Variants in WWC2 observed in about 807,000 individuals in gnomAD.
WWC2 encodes protein WWC2.
WWC2 carries 101 observed loss-of-function variants against 138.5 expected under a neutral mutation model. The ratio of observed to expected loss-of-function variants is 0.73; its 90% CI spans 0.62 to 0.86. The LOEUF (loss-of-function observed/expected upper bound fraction) is 0.86, where lower values mean the gene tolerates loss of function less well. Among genes scored for constraint, WWC2 ranks in the 40% least tolerant of loss-of-function variants. The pLI is 0.00. For missense variants in WWC2, 1,420 were observed against 1,419.4 expected, an observed-to-expected ratio of 1.00 and a Z score of -0.01; for synonymous variants, 558 against 538.4, an observed-to-expected ratio of 1.04 and a Z score of -0.50.
At chr4:183,164,273 TATATATATATATATATATATATATATAC>T (rs200975595) in intron 1 of WWC2, among the ~76,000 whole-genome samples, 44 of 456 alleles carry the variant, frequency 0.096, 3 homozygotes, top group East Asian at 0.5. Context: ...CGCATATATA[TATATATATATATATATATATATATATAC>T]ATATATATAT....
chr4:183,247,731 CATATATACT>C (rs1287345725), intron 6 of WWC2, among the ~76,000 whole-genome samples: 1 of 125,006 alleles, frequency 8.0e-6, no homozygotes, highest in Non-Finnish European at 1.6e-5. Context: ...CTATATACTA[CATATATACT>C]ATATATACTA....
intron 9 of WWC2, among the ~76,000 whole-genome samples, chr4:183,257,812 A>G (rs1163298984): frequency 6.6e-6 from 1 of 152,094 alleles, no homozygotes. Flanking sequence ...TCATCTCAAC[A>G]CCAGCAAGAA....
intron 4 of WWC2, among the ~76,000 whole-genome samples, chr4:183,236,234 G>A (rs1026841183): frequency 1.3e-5 from 2 of 152,058 alleles, no homozygotes; most frequent in Non-Finnish European, 2.9e-5. Context: ...GTGCTGTTTT[G>A]GTTACTATAC....
chr4:183,238,751 C>A (rs1353068694), intron 4 of WWC2, among the ~76,000 whole-genome samples: 1 of 152,160 alleles, frequency 6.6e-6, no homozygotes, highest in Admixed American at 6.5e-5. Flanking sequence ...AAATTAGGAT[C>A]TGTTCTCTTG....
At chr4:183,197,503 A>G (rs1367237574) in intron 2 of WWC2, among the ~76,000 whole-genome samples, 2 of 152,348 alleles carry the variant, frequency 1.3e-5, no homozygotes, top group East Asian at 3.9e-4. Flanking sequence ...ACACTATTGA[A>G]TATTTAGAAG....
chr4:183,128,704 A>G (rs1002156793), intron 1 of WWC2, among the ~76,000 whole-genome samples: 3 of 152,186 alleles, frequency 2.0e-5, no homozygotes, highest in Admixed American at 2.0e-4. Context: ...GGCCAGCGCA[A>G]TGCTTGACAT....
chr4:183,114,403 C>A (rs1413030764), intron 1 of WWC2, among the ~76,000 whole-genome samples: 1 of 152,102 alleles, frequency 6.6e-6, no homozygotes, highest in Admixed American at 6.6e-5. Context: ...GCAAGAAATA[C>A]AAGGTGTGAG....
At chr4:183,304,307 T>C (rs1449678883) in intron 21 of WWC2, among the ~76,000 whole-genome samples, 2 of 152,092 alleles carry the variant, frequency 1.3e-5, no homozygotes, top group East Asian at 3.9e-4. Context: ...ATTAACATAC[T>C]GCTGGAGGCT....
intron 1 of WWC2, among the ~76,000 whole-genome samples, chr4:183,166,747 A>G (rs1023023757): frequency 6.6e-6 from 1 of 152,338 alleles, no homozygotes; most frequent in Non-Finnish European, 1.5e-5. Flanking sequence ...TCAGGTGTCT[A>G]GAATATATAA....
Position 183,319,485 on chromosome 4 carries a change from G to T in WWC2, c.*3756G>T. The T allele has an allele frequency of 7.0e-7, 1 of 1,421,172 alleles. No homozygotes were observed. The highest frequency in any genetic ancestry group is 1.4e-5 in the South Asian group (1 of 72,714). The allele number at this position is 1,421,172 out of a possible 1,614,324, so 88.0% of individuals were successfully genotyped here. A position where few individuals can be genotyped will look rare whatever the true frequency, so the allele number is the denominator to read the frequency against. On this transcript the variant is annotated 3_prime_UTR_variant, in exon 23 of 23. Transcript: ENST00000403733. ...AATCAAAAGCACAGTGAGATGACTA[G>T]AGCGGGACATCCTACCAAATCCAGT...
intron 11 of WWC2, among the ~76,000 whole-genome samples, chr4:183,263,601 C>A (rs1737404041): frequency 6.6e-6 from 1 of 152,086 alleles, no homozygotes; most frequent in African/African-American, 2.4e-5. Context: ...CAAGTGAAAG[C>A]GTATATTTAA....
rs1738232808 is a variant in WWC2 at position 183,285,909 on chromosome 4, T to C, written c.3049-58T>C. ...CTTGGTAAATGTCTCAATCCCAAACTTCCACTTGCACTCTGTTTGATATGC... is the reference window on the plus strand; with the variant it reads ...CTTGGTAAATGTCTCAATCCCAAACCTCCACTTGCACTCTGTTTGATATGC... On this transcript the variant is annotated intron_variant, in intron 19 of 22. Transcript: ENST00000403733. 5.4e-6 allele frequency: 8 copies of C among 1,481,850 alleles called. No individual in the cohort carries two copies. In the South Asian group the frequency reaches 9.7e-5, roughly 18 times the overall value. The allele number at this position is 1,481,850 out of a possible 1,614,324, so 91.8% of individuals were successfully genotyped here. A position where few individuals can be genotyped will look rare whatever the true frequency, so the allele number is the denominator to read the frequency against.
chr4:183,319,354 A>G lies in WWC2; in HGVS notation c.*3625A>G. ...ATCCACAGTAATGGGTGTCATTACTATTCAGTCTTGATTGATTTTGGTCTC... is the reference window on the plus strand; with the variant it reads ...ATCCACAGTAATGGGTGTCATTACTGTTCAGTCTTGATTGATTTTGGTCTC... On this transcript the variant is annotated 3_prime_UTR_variant, in exon 23 of 23. Transcript: ENST00000403733. The G allele has an allele frequency of 1.7e-6, 1 of 591,050 alleles. No homozygotes were observed. The highest frequency in any genetic ancestry group is 2.9e-6 in the Non-Finnish European group (1 of 339,278). The allele number at this position is 591,050 out of a possible 1,614,324, so 36.6% of individuals were successfully genotyped here.
chr4:183,194,490 G>A (rs62356701), intron 2 of WWC2, among the ~76,000 whole-genome samples: 30,881 of 151,924 alleles, frequency 0.2, 3,234 homozygotes, highest in South Asian at 0.26. Context: ...TATAAGTTTT[G>A]CGGAATACAT....
chr4:183,269,443 A>G (rs138170103), intron 15 of WWC2: 3 of 565,110 alleles, frequency 5.3e-6, no homozygotes, highest in African/African-American at 1.9e-5. Flanking sequence ...TGTGACAGCT[A>G]TCACTCATGG....
intron 1 of WWC2, among the ~76,000 whole-genome samples, chr4:183,169,759 G>A (rs1004435670): frequency 6.6e-6 from 1 of 152,092 alleles, no homozygotes; most frequent in Non-Finnish European, 1.5e-5. Context: ...ATTTAAGACT[G>A]TGCATAAAGA....
chr4:183,257,429 G>A (rs1222955175), intron 9 of WWC2, among the ~76,000 whole-genome samples: 1 of 152,184 alleles, frequency 6.6e-6, no homozygotes, highest in Non-Finnish European at 1.5e-5. Context: ...AGGCAGGTGT[G>A]AAGGCCCACA....
In WWC2 at chr4:183,141,000, T is replaced by A. The variant is rs146137313; in HGVS notation, c.131+41378T>A. 3.2e-4 allele frequency among the ~76,000 whole-genome samples: 49 copies of A among 152,324 alleles called. 1 individual carries two copies. In the East Asian group the frequency reaches 9.3e-3, roughly 29 times the overall value. ...TAAAATTGGATAATTGTGCTCTGAA[T>A]AAGTGTAGCACAGGGTGAGAAAAAT... is the stretch of plus-strand genomic sequence containing the variant. On this transcript the variant is annotated intron_variant, in intron 1 of 22. Coordinates refer to ENST00000403733, the MANE Select transcript of WWC2 (RefSeq NM_024949.6).
At chr4:183,241,640 G>A (rs1736624822) in intron 5 of WWC2, among the ~76,000 whole-genome samples, 1 of 152,186 alleles carries the variant, frequency 6.6e-6, no homozygotes, top group Non-Finnish European at 1.5e-5. Context: ...TATTTTATGA[G>A]ATCCCAAGTG....
Sources: gnomAD v4.1 joint callset for allele counts (sites outside exome capture counted in the v4.1 genomes callset) on GRCh38, gnomAD v4.1.1 for gene constraint, MANE v1.5 for transcripts, NCBI Gene and HGNC (gene_info 2026-07-23, HGNC 2026-07-21) for gene names.